The following MYOM1 variants were observed in gnomAD, a reference collection of about 807,000 sequenced individuals.
The protein encoded by MYOM1 is myomesin 1, also known as myomesin-1.
Under a neutral mutation model 205.3 loss-of-function variants are expected in MYOM1, and 164 were observed. The observed-to-expected ratio is 0.80, with a 90% CI of 0.70 to 0.91. The LOEUF (loss-of-function observed/expected upper bound fraction) is 0.91, where lower values mean the gene tolerates loss of function less well. Among genes scored for constraint, MYOM1 ranks in the 40% least tolerant of loss-of-function variants. The probability of loss-of-function intolerance (pLI) is 0.00; values close to 1 mark genes in which losing one functional copy is unlikely to be tolerated. For synonymous variants in MYOM1, 772 were observed against 789.4 expected (o/e 0.98, Z 0.37); for missense variants, 2,011 against 2,127.3 (o/e 0.95, Z 1.08).
chr18:3,231,976 C>T, the MYOM1 span, among the ~76,000 whole-genome samples: 1 of 149,388 alleles, frequency 6.7e-6, no homozygotes, highest in South Asian at 2.1e-4. Flanking sequence ...TGTCATTTAC[C>T]ACAAAAAGTT....
At chr18:3,091,133 T>A (rs2079220131) in intron 26 of MYOM1, among the ~76,000 whole-genome samples, 1 of 151,952 alleles carries the variant, frequency 6.6e-6, no homozygotes, top group Non-Finnish European at 1.5e-5. Flanking sequence ...CTGACCAATA[T>A]GATGAAACCC....
rs145278169 is a variant in MYOM1 at position 3,095,276 on chromosome 18, A to G, written c.3728-970T>C. ...CTGCTAACATGGATGTGCTATGAAG[A>G]GTAAATATAAGGCCGGGCATGGTGG... is the stretch of plus-strand genomic sequence containing the variant. On this transcript the variant is annotated intron_variant, in intron 25 of 37. Transcript: ENST00000356443. Among the ~76,000 whole-genome samples the G allele has an allele frequency of 1.7e-4, 26 of 152,186 alleles. No individual in the cohort carries two copies. The East Asian group carries it at 5.0e-3, about 29-fold the overall frequency.
At position 3,134,701 on chromosome 18, in the gene MYOM1, G is replaced by A. The variant is rs758209155; in HGVS notation, c.2333C>T (p.Ala778Val). ...ACAGGGCTCCCACTTGCCAGAGCCA[G>A]CAACGCTCGCCTCTATGTAGTACCC... ...LVGYYIEASVAGSGKWEPCNN... is the reference protein window; with the variant it reads ...LVGYYIEASVVGSGKWEPCNN... The change falls in exon 16 of 38, where the codon GCT (alanine) becomes GTT (valine). Residue 778 changes from alanine to valine, a missense_variant. By Grantham distance (64) the Ala-to-Val change is moderately conservative. Transcript: ENST00000356443. 4 of 1,613,926 alleles carry A rather than the reference G, an allele frequency of 2.5e-6. No individual in the cohort carries two copies. Among genetic ancestry groups the A allele is most frequent in the East Asian group, 2.2e-5 (1 of 44,876 alleles).
chr18:3,213,975 A>AC (rs754758503), intron 2 of MYOM1, among the ~76,000 whole-genome samples: 12 of 152,100 alleles, frequency 7.9e-5, no homozygotes, highest in Admixed American at 2.0e-4. Context: ...ACCTAAAATA[A>AC]CCTTTTTTCC....
chr18:3,245,546 C>T, the MYOM1 span, among the ~76,000 whole-genome samples: 1 of 152,108 alleles, frequency 6.6e-6, no homozygotes, highest in African/African-American at 2.4e-5. Flanking sequence ...ACTAGGTGGA[C>T]ATTTGAAGAA....
At chr18:3,231,968 T>C in the MYOM1 span, among the ~76,000 whole-genome samples, 1 of 151,936 alleles carries the variant, frequency 6.6e-6, no homozygotes, top group Non-Finnish European at 1.5e-5. Context: ...CTTTTACTTG[T>C]CATTTACCAC....
chr18:3,155,710 A>C (rs184700148), intron 10 of MYOM1, among the ~76,000 whole-genome samples: 49 of 152,330 alleles, frequency 3.2e-4, no homozygotes, highest in African/African-American at 1.2e-3. Flanking sequence ...CAGACAAGTC[A>C]GTTGTGCCAG....
At chr18:3,176,529 A>C (rs574503424) in intron 5 of MYOM1, among the ~76,000 whole-genome samples, 1 of 152,182 alleles carries the variant, frequency 6.6e-6, no homozygotes, top group Non-Finnish European at 1.5e-5. Flanking sequence ...CGCAAGAAGG[A>C]GGCTTCTTGG....
At chr18:3,228,554 C>T in the MYOM1 span, among the ~76,000 whole-genome samples, 1 of 152,100 alleles carries the variant, frequency 6.6e-6, no homozygotes, top group Admixed American at 6.5e-5. This position sits in a 1 kb window ranked among gnomAD's most constrained non-coding sequence, Gnocchi z 4.5. Flanking sequence ...TAAAGATCAG[C>T]AGATCTGAGT....
rs775765790 is a variant in MYOM1, at chr18:3,094,219, T to G, written c.3815A>C (p.Asn1272Thr). The G allele has an allele frequency of 3.1e-6, 5 of 1,614,014 alleles. No homozygotes were observed. In the South Asian group the frequency reaches 3.3e-5, roughly 11 times the overall value. ...FWMQAEKLSG[N>T]AKVNYIFNEK... ...GTTAAATATGTAGTTGACTTTGGCA[T>G]TGCCAGACAGTTTCTCAGCCTGCAT... is the stretch of plus-strand genomic sequence containing the variant. Residue 1272 changes from asparagine (N) to threonine (T), a missense_variant, in exon 26 of 38, where the codon AAT becomes ACT. Transcript: ENST00000356443.
intron 10 of MYOM1, among the ~76,000 whole-genome samples, chr18:3,159,874 T>TTTCCTTCCTTCCTTCC (rs141381327): frequency 1.3e-4 from 14 of 107,718 alleles, no homozygotes; most frequent in East Asian, 8.5e-4. Flanking sequence ...TTTTCTTTCT[T>TTTCCTTCCTTCCTTCC]TTCCTTCCTT....
intron 9 of MYOM1, among the ~76,000 whole-genome samples, chr18:3,164,985 T>C (rs1293228759): frequency 6.6e-6 from 1 of 152,234 alleles, no homozygotes; most frequent in Non-Finnish European, 1.5e-5. Context: ...TAACTATTTA[T>C]AAATGCAAGC....
chr18:3,144,863 C>T (rs1207413725), intron 13 of MYOM1, among the ~76,000 whole-genome samples: 1 of 152,106 alleles, frequency 6.6e-6, no homozygotes, highest in African/African-American at 2.4e-5. Flanking sequence ...ATAAATGCAC[C>T]ATTTGGTTGG....
chr18:3,146,394 C>G (rs1403975487), intron 13 of MYOM1, among the ~76,000 whole-genome samples: 1 of 152,058 alleles, frequency 6.6e-6, no homozygotes, highest in African/African-American at 2.4e-5. Context: ...AAGGATAACA[C>G]AGCATAACAT....
At chr18:3,173,562 T>C (rs2080590560) in intron 8 of MYOM1, among the ~76,000 whole-genome samples, 1 of 147,310 alleles carries the variant, frequency 6.8e-6, no homozygotes, top group Non-Finnish European at 1.5e-5. Flanking sequence ...CGCTTTGATA[T>C]AGTCCAGACT....
chr18:3,205,529 C>G (rs2081114864), intron 2 of MYOM1, among the ~76,000 whole-genome samples: 2 of 152,116 alleles, frequency 1.3e-5, no homozygotes, highest in South Asian at 4.1e-4. Context: ...CTATTACACA[C>G]ACATTATAAT....
intron 12 of MYOM1, among the ~76,000 whole-genome samples, chr18:3,149,913 G>A (rs543259480): frequency 6.6e-6 from 1 of 152,168 alleles, no homozygotes; most frequent in African/African-American, 2.4e-5. Context: ...TATTTTGATT[G>A]GAATTGATAA....
chr18:3,221,362 A>G (rs1411270000), upstream of MYOM1, among the ~76,000 whole-genome samples: 1 of 152,200 alleles, frequency 6.6e-6, no homozygotes, highest in Non-Finnish European at 1.5e-5. Flanking sequence ...AGTATACTTC[A>G]TCATGACTTT....
At chr18:3,176,925 T>C (rs540617684) in intron 5 of MYOM1, among the ~76,000 whole-genome samples, 1 of 151,012 alleles carries the variant, frequency 6.6e-6, no homozygotes, top group Non-Finnish European at 1.5e-5. Flanking sequence ...ACTTTTTGTG[T>C]GCATGTTATA....
Sources: gnomAD v4.1 joint callset for allele counts (sites outside exome capture counted in the v4.1 genomes callset) on GRCh38, gnomAD v4.1.1 for gene constraint, Gnocchi (gnomAD v3.1) non-coding constraint, MANE v1.5 for transcripts, NCBI Gene and HGNC (gene_info 2026-07-23, HGNC 2026-07-21) for gene names.